The following PI4K2B variants were observed in gnomAD, a reference collection of about 807,000 sequenced individuals.
PI4K2B encodes phosphatidylinositol 4-kinase type 2-beta.
A neutral mutation model predicts 56.6 loss-of-function variants in PI4K2B; 46 were observed. The observed-to-expected ratio is 0.81, with a 90% CI of 0.64 to 1.04. The LOEUF is 1.04. Ranked by LOEUF, PI4K2B falls within the 50% of genes least tolerant of loss-of-function variation. The pLI, the probability that PI4K2B is intolerant of heterozygous loss-of-function variation, is 0.00. For missense variants in PI4K2B, 556 were observed against 607.7 expected (o/e 0.91, Z 0.89); for synonymous variants, 211 against 223.8 (o/e 0.94, Z 0.51).
chr4:25,259,991 C>G (rs534770983), intron 5 of PI4K2B, among the ~76,000 whole-genome samples: 1 of 152,294 alleles, frequency 6.6e-6, no homozygotes, highest in African/African-American at 2.4e-5. Flanking sequence ...AAGGTACCCT[C>G]CAGGTAATTC....
chr4:25,252,586 AC>A (rs1251801699), intron 2 of PI4K2B, 111 bp downstream of exon 2: 1 of 826,136 alleles, frequency 1.2e-6, no homozygotes, highest in Non-Finnish European at 1.9e-6. Flanking sequence ...TCTGATTGTA[AC>A]CTCTTTTCCA....
intron 1 of PI4K2B, among the ~76,000 whole-genome samples, chr4:25,243,297 G>T (rs145544939): frequency 6.6e-6 from 1 of 152,338 alleles, no homozygotes; most frequent in South Asian, 2.1e-4. Flanking sequence ...GCACCTTCCA[G>T]TGATTGCTTC....
At chr4:25,258,213 CTTT>C (rs545122643) in intron 4 of PI4K2B, among the ~76,000 whole-genome samples, 2 of 119,000 alleles carry the variant, frequency 1.7e-5, no homozygotes, top group African/African-American at 5.9e-5. Context: ...GGAATCTGTC[CTTT>C]TTTTTTTTTT....
At chr4:25,243,639 A>G (rs1390807703) in intron 1 of PI4K2B, among the ~76,000 whole-genome samples, 2 of 152,158 alleles carry the variant, frequency 1.3e-5, no homozygotes, top group Non-Finnish European at 2.9e-5. Flanking sequence ...ATTGGGTAAT[A>G]ATTATCTTTT....
intron 1 of PI4K2B, among the ~76,000 whole-genome samples, chr4:25,240,504 G>A (rs1239386971): frequency 4.6e-5 from 7 of 152,150 alleles, no homozygotes; most frequent in African/African-American, 1.7e-4. Context: ...TTAATTGTAT[G>A]GCTCTGCACT....
intron 1 of PI4K2B, among the ~76,000 whole-genome samples, chr4:25,235,421 A>G (rs926795736): frequency 6.6e-6 from 1 of 152,232 alleles, no homozygotes; most frequent in Non-Finnish European, 1.5e-5. Flanking sequence ...GTGGTACACT[A>G]ATGTGTCCTT....
At chr4:25,254,288 G>C in intron 2 of PI4K2B, 1 of 290,320 alleles carries the variant, frequency 3.4e-6, no homozygotes, top group Non-Finnish European at 5.1e-6. Flanking sequence ...TGCCTTATTA[G>C]AATGTACATT....
intron 1 of PI4K2B, among the ~76,000 whole-genome samples, chr4:25,251,189 C>T (rs1302090395): frequency 2.0e-5 from 3 of 152,168 alleles, no homozygotes; most frequent in Admixed American, 1.3e-4. Context: ...GAACCTGGGC[C>T]ATTCCAAAGT....
chr4:25,268,339 C>G (rs1191261545), intron 7 of PI4K2B, 104 bp from the exon 8 acceptor site: 6 of 922,784 alleles, frequency 6.5e-6, no homozygotes, highest in African/African-American at 1.7e-5. Flanking sequence ...TTATCCTGTC[C>G]TTTTTTGGGG....
chr4:25,238,824 T>C (rs546177961), intron 1 of PI4K2B, among the ~76,000 whole-genome samples: 11 of 152,290 alleles, frequency 7.2e-5, no homozygotes, highest in South Asian at 6.2e-4. Flanking sequence ...TTCCACAGTG[T>C]GGAAGGGGAC....
chr4:25,273,027 C>T (rs1191797728), intron 9 of PI4K2B, among the ~76,000 whole-genome samples: 4 of 152,158 alleles, frequency 2.6e-5, no homozygotes, highest in Non-Finnish European at 4.4e-5. Context: ...CTTTCTACAG[C>T]CAAGTCTTTT....
At chr4:25,275,960 A>G (rs1399455831) in intron 9 of PI4K2B, among the ~76,000 whole-genome samples, 1 of 152,180 alleles carries the variant, frequency 6.6e-6, no homozygotes, top group Non-Finnish European at 1.5e-5. Flanking sequence ...TCAATCAATC[A>G]ATCAATCAAC....
chr4:25,263,645 C>T, intron 6 of PI4K2B, 105 bp from the exon 7 acceptor site: 2 of 481,596 alleles, frequency 4.2e-6, no homozygotes, highest in Non-Finnish European at 7.5e-6. Context: ...ATAGGCTCAT[C>T]CGAGAGAATA....
At chr4:25,263,401 G>C (rs985464166) in intron 6 of PI4K2B, among the ~76,000 whole-genome samples, 5 of 152,064 alleles carry the variant, frequency 3.3e-5, no homozygotes, top group Admixed American at 6.6e-5. Flanking sequence ...AAAAAAATTA[G>C]TAATATTTTA....
At chr4:25,269,354 C>T (rs1237548825) in intron 9 of PI4K2B, 151 bp downstream of exon 9, 10 of 550,650 alleles carry the variant, frequency 1.8e-5, no homozygotes, top group East Asian at 3.0e-5. Flanking sequence ...GAAGTTGATT[C>T]GGCCGACTGC....
intron 2 of PI4K2B, among the ~76,000 whole-genome samples, chr4:25,253,985 T>C (rs1013275479): frequency 2.0e-5 from 3 of 152,196 alleles, no homozygotes; most frequent in African/African-American, 4.8e-5. Context: ...TTGACCAGGC[T>C]GGTCTCCTGA....
chr4:25,236,019 A>C (rs907491172), intron 1 of PI4K2B, among the ~76,000 whole-genome samples: 26 of 151,164 alleles, frequency 1.7e-4, no homozygotes, highest in Admixed American at 7.3e-4. Flanking sequence ...AACAACAAAA[A>C]TTCAAAGTGA....
chr4:25,257,468 C>T (rs1354561604), intron 4 of PI4K2B, among the ~76,000 whole-genome samples: 1 of 152,040 alleles, frequency 6.6e-6, no homozygotes, highest in Non-Finnish European at 1.5e-5. Flanking sequence ...GGACTTGGTA[C>T]ATAGTAAAGG....
At chr4:25,267,870 A>C (rs1716723096) in intron 7 of PI4K2B, 1 of 983,440 alleles carries the variant, frequency 1.0e-6, no homozygotes, top group Non-Finnish European at 1.2e-6. Context: ...GTGTACAAGT[A>C]AGTGGTCAAT....
Sources: allele counts gnomAD v4.1 joint callset (sites outside exome capture counted in the v4.1 genomes callset), GRCh38; gene constraint gnomAD v4.1.1; transcripts MANE v1.5; gene names NCBI Gene and HGNC (gene_info 2026-07-23, HGNC 2026-07-21).